AGPS: variants seen among roughly 807,000 people sequenced by gnomAD.
AGPS encodes the protein alkylglycerone phosphate synthase, also known as alkyldihydroxyacetonephosphate synthase, peroxisomal.
AGPS carries 26 observed loss-of-function variants against 90.7 expected under a neutral mutation model. The observed-to-expected ratio is 0.29, with a 90% CI of 0.21 to 0.40. AGPS has a LOEUF of 0.40. AGPS is among the 10% of genes least tolerant of loss of function. The probability of loss-of-function intolerance (pLI) is 1.00; values close to 1 mark genes in which losing one functional copy is unlikely to be tolerated. For missense variants in AGPS, 540 were observed against 816.1 expected (o/e 0.66, Z 4.12); for synonymous variants, 294 against 285.3 (o/e 1.03, Z -0.31).
intron 12 of AGPS, among the ~76,000 whole-genome samples, chr2:177,495,369 A>G (rs893669888): frequency 6.6e-6 from 1 of 152,180 alleles, no homozygotes; most frequent in East Asian, 1.9e-4. Context: ...TCCCCACTTT[A>G]CAAATGACTC....
chr2:177,487,806 G>T (rs190169373), intron 11 of AGPS, among the ~76,000 whole-genome samples: 14 of 152,188 alleles, frequency 9.2e-5, no homozygotes, highest in African/African-American at 2.7e-4. Flanking sequence ...TATGAGACAT[G>T]TTCTCTACCA....
At chr2:177,524,923 G>A (rs994943467) in intron 19 of AGPS, among the ~76,000 whole-genome samples, 1 of 152,188 alleles carries the variant, frequency 6.6e-6, no homozygotes, top group African/African-American at 2.4e-5. Flanking sequence ...GATTGCTAAT[G>A]TTGATGAATA....
At chr2:177,534,916 C>G (rs1358613945) in intron 19 of AGPS, among the ~76,000 whole-genome samples, 2 of 151,892 alleles carry the variant, frequency 1.3e-5, no homozygotes, top group African/African-American at 2.4e-5. Flanking sequence ...CTGTAATATT[C>G]AGTATTTGGC....
At chr2:177,413,531 G>T (rs903651907) in intron 1 of AGPS, among the ~76,000 whole-genome samples, 1 of 152,184 alleles carries the variant, frequency 6.6e-6, no homozygotes, top group African/African-American at 2.4e-5. Flanking sequence ...ACAGTCTGGG[G>T]TTGGTTGCCA....
In AGPS at chr2:177,493,316, A is replaced by G. The variant is rs1025007661; in HGVS notation, c.1285+117A>G. 4 of 904,628 alleles carry G rather than the reference A, an allele frequency of 4.4e-6. No individual in the cohort carries two copies. In the African/African-American group the frequency reaches 6.5e-5, roughly 15 times the overall value. The allele number at this position is 904,628 out of a possible 1,614,324, so 56.0% of individuals were successfully genotyped here. Reference sequence around the variant, plus strand: ...AACGTCAGTCTTGCCTTTCAGGAAGATGTCAGTCTAATGAAGATAGACAAT... The same window carrying G: ...AACGTCAGTCTTGCCTTTCAGGAAGGTGTCAGTCTAATGAAGATAGACAAT... On this transcript the variant is annotated intron_variant, in intron 12 of 19. Coordinates refer to ENST00000264167, the MANE Select transcript of AGPS (RefSeq NM_003659.4).
chr2:177,525,047 T>C (rs1199810999), intron 19 of AGPS, among the ~76,000 whole-genome samples: 1 of 152,214 alleles, frequency 6.6e-6, no homozygotes, highest in Non-Finnish European at 1.5e-5. Flanking sequence ...TGCTCCTCTC[T>C]CCTTTTTCTA....
At chr2:177,447,476 C>T (rs1208469196) in intron 8 of AGPS, among the ~76,000 whole-genome samples, 2 of 151,950 alleles carry the variant, frequency 1.3e-5, no homozygotes, top group Non-Finnish European at 2.9e-5. Flanking sequence ...ATCAGTATTC[C>T]ATTATGCTTA....
At chr2:177,407,564 C>T (rs576964794) in intron 1 of AGPS, among the ~76,000 whole-genome samples, 1 of 152,146 alleles carries the variant, frequency 6.6e-6, no homozygotes, top group East Asian at 1.9e-4. Context: ...GACCAGATCT[C>T]ATGAGAACCC....
chr2:177,503,915 C>G (rs1355034223), intron 14 of AGPS, among the ~76,000 whole-genome samples: 1 of 152,036 alleles, frequency 6.6e-6, no homozygotes, highest in African/African-American at 2.4e-5. Context: ...TCTGTTTCCT[C>G]CCTACTGCCA....
chr2:177,426,546 T>C (rs2105616810), intron 2 of AGPS, among the ~76,000 whole-genome samples: 1 of 152,322 alleles, frequency 6.6e-6, no homozygotes. Context: ...ATATGGCTCT[T>C]ATTATTTTGA....
At chr2:177,523,394 G>A (rs751967978) in intron 18 of AGPS, among the ~76,000 whole-genome samples, 10 of 152,150 alleles carry the variant, frequency 6.6e-5, no homozygotes, top group Non-Finnish European at 1.2e-4. Context: ...TAGTCACTTT[G>A]TTGGTATAAT....
intron 9 of AGPS, among the ~76,000 whole-genome samples, chr2:177,463,177 A>G (rs778172584): frequency 1.8e-4 from 28 of 152,202 alleles, no homozygotes; most frequent in Non-Finnish European, 3.4e-4. Context: ...ATAATAGTAT[A>G]TAACTCTGGG....
intron 5 of AGPS, among the ~76,000 whole-genome samples, chr2:177,439,338 G>A (rs1475812689): frequency 6.6e-6 from 1 of 152,160 alleles, no homozygotes; most frequent in Non-Finnish European, 1.5e-5. Flanking sequence ...CATGTAAGAG[G>A]GTAGTGCGAA....
intron 8 of AGPS, 81 bp from the exon 9 acceptor site, chr2:177,461,812 A>C (rs1338730813): frequency 1.6e-6 from 2 of 1,262,472 alleles, no homozygotes; most frequent in Non-Finnish European, 2.2e-6. Flanking sequence ...TGGAAATTTT[A>C]AAGTGGGAGG....
At position 177,461,742 on chromosome 2, in the gene AGPS, A is replaced by G. The variant is rs73976715; in HGVS notation, c.871-151A>G. On this transcript the variant is annotated intron_variant, in intron 8 of 19. Coordinates refer to ENST00000264167, the MANE Select transcript of AGPS (RefSeq NM_003659.4). ...AAAATTTTTAGGACTAGTGTGATAAAAGTATCTTTTTTTTTTTTTTTTGCT... is the reference window on the plus strand; with the variant it reads ...AAAATTTTTAGGACTAGTGTGATAAGAGTATCTTTTTTTTTTTTTTTTGCT... 7,990 of 705,856 alleles carry G rather than the reference A, an allele frequency of 0.011. 582 individuals are homozygous for G. The African/African-American group carries it at 0.14, about 12-fold the overall frequency. 43.7% of individuals were successfully genotyped at this position (705,856 alleles called of 1,614,324 possible).
At chr2:177,482,026 A>G (rs761724151) in intron 10 of AGPS, 33 bp from the exon 11 acceptor site, 7 of 1,565,764 alleles carry the variant, frequency 4.5e-6, no homozygotes, top group Non-Finnish European at 6.1e-6. Flanking sequence ...TTGTCATGTG[A>G]TGTACTGGAT....
chr2:177,505,181 A>G (rs1028520204), intron 14 of AGPS, among the ~76,000 whole-genome samples: 6 of 152,050 alleles, frequency 3.9e-5, no homozygotes, highest in Admixed American at 3.3e-4. Flanking sequence ...TTCTTCAAAT[A>G]TGAGTGAGAC....
intron 17 of AGPS, among the ~76,000 whole-genome samples, chr2:177,516,456 A>C (rs1230568238): frequency 1.3e-5 from 2 of 152,170 alleles, no homozygotes; most frequent in Non-Finnish European, 2.9e-5. Flanking sequence ...ATGATTTTGA[A>C]AGAGGTTAGT....
At chr2:177,509,226 CTCAG>C (rs1688795726) in intron 16 of AGPS, among the ~76,000 whole-genome samples, 2 of 152,180 alleles carry the variant, frequency 1.3e-5, no homozygotes, top group Admixed American at 6.5e-5. Context: ...TATACTATCA[CTCAG>C]TCATTCACAA....
Sources: gnomAD v4.1 joint callset for allele counts (sites outside exome capture counted in the v4.1 genomes callset) on GRCh38, gnomAD v4.1.1 for gene constraint, MANE v1.5 for transcripts, NCBI Gene and HGNC (gene_info 2026-07-23, HGNC 2026-07-21) for gene names.